MACROD2: variants seen among roughly 807,000 people sequenced by gnomAD.
MACROD2 encodes the protein mono-ADP ribosylhydrolase 2.
MACROD2 carries 36 observed loss-of-function variants against 70.4 expected under a neutral mutation model. That is an observed-to-expected ratio of 0.51 (90% CI 0.39 to 0.68). The LOEUF (loss-of-function observed/expected upper bound fraction) is 0.68, where lower values mean the gene tolerates loss of function less well. Ranked by LOEUF, MACROD2 falls within the 30% of genes least tolerant of loss-of-function variation. MACROD2 has a pLI of 0.00. For synonymous variants in MACROD2, 172 were observed against 178.8 expected, an observed-to-expected ratio of 0.96 and a Z score of 0.30; for missense variants, 496 against 538.4, an observed-to-expected ratio of 0.92 and a Z score of 0.78.
intron 5 of MACROD2, among the ~76,000 whole-genome samples, chr20:15,119,111 A>G (rs1166099526): frequency 6.6e-6 from 1 of 152,194 alleles, no homozygotes; most frequent in Non-Finnish European, 1.5e-5. Flanking sequence ...GCCTATAACA[A>G]TCGGAAGACC....
intron 9 of MACROD2, among the ~76,000 whole-genome samples, chr20:15,883,799 C>T (rs2064787985): frequency 6.6e-6 from 1 of 152,052 alleles, no homozygotes; most frequent in Non-Finnish European, 1.5e-5. Flanking sequence ...TTTATTGATT[C>T]TAGTATATAA....
At chr20:14,782,268 A>G (rs1415476199) in intron 5 of MACROD2, among the ~76,000 whole-genome samples, 2 of 152,064 alleles carry the variant, frequency 1.3e-5, no homozygotes, top group African/African-American at 4.8e-5. Flanking sequence ...AATAATCATT[A>G]GCAGTAATAA....
intron 3 of MACROD2, among the ~76,000 whole-genome samples, chr20:14,343,816 G>A (rs765778201): frequency 6.6e-6 from 1 of 152,134 alleles, no homozygotes; most frequent in Non-Finnish European, 1.5e-5. Flanking sequence ...ATTGACATGT[G>A]GATCAACAAG....
chr20:14,589,283 C>A (rs1981599766), intron 4 of MACROD2, among the ~76,000 whole-genome samples: 1 of 152,054 alleles, frequency 6.6e-6, no homozygotes, highest in Non-Finnish European at 1.5e-5. Context: ...AATCGCTATT[C>A]TTTTAAAATG....
intron 5 of MACROD2, among the ~76,000 whole-genome samples, chr20:14,873,084 T>A (rs988813142): frequency 6.6e-6 from 1 of 152,138 alleles, no homozygotes; most frequent in Admixed American, 6.5e-5. Context: ...AAGATGAGAT[T>A]TAGGTGGGAA....
chr20:14,420,432 T>A (rs960939498), intron 3 of MACROD2, among the ~76,000 whole-genome samples: 1 of 152,160 alleles, frequency 6.6e-6, no homozygotes, highest in African/African-American at 2.4e-5. Flanking sequence ...TAAAGTGATA[T>A]CTAATTGAAA....
rs140228262 is a variant in MACROD2, at chr20:16,043,677, C to T, written c.1232-894C>T. On this transcript the variant is annotated intron_variant, in intron 16 of 17. Coordinates refer to ENST00000684519, the MANE Select transcript of MACROD2 (RefSeq NM_001351661.2). ...CAACTACGGGATCTGGTTAGATGGT[C>T]GGCTTTTTAATTTCATGGCCGCTCA... is the stretch of plus-strand genomic sequence containing the variant. Among the ~76,000 whole-genome samples the T allele has an allele frequency of 1.3e-3, 196 of 152,064 alleles. 2 individuals carry two copies. The highest frequency in any genetic ancestry group is 4.4e-3 in the African/African-American group (184 of 41,492).
chr20:14,938,940 A>ATTTTTTTTTTTTTT (rs1230863391), intron 5 of MACROD2, among the ~76,000 whole-genome samples: 16 of 86,458 alleles, frequency 1.9e-4, no homozygotes, highest in South Asian at 3.7e-4. Context: ...GTTAAATCAG[A>ATTTTTTTTTTTTTT]TTTTTTTTTT....
At position 14,142,176 on chromosome 20, in the gene MACROD2, T is replaced by C. The variant is rs370030020; in HGVS notation, c.271+56448T>C. 3.3e-5 allele frequency among the ~76,000 whole-genome samples: 5 copies of C among 152,200 alleles called. No individual in the cohort carries two copies. The East Asian group carries it at 7.7e-4, about 23-fold the overall frequency. On this transcript the variant is annotated intron_variant, in intron 3 of 17. Transcript: ENST00000684519. ...CCTTTTTTTCCTAATAGTGCAAGTT[T>C]ATTCACCATGTTTTTAGTTTTTCTC... is the stretch of plus-strand genomic sequence containing the variant.
chr20:15,243,698 G>A (rs533152219), intron 6 of MACROD2, among the ~76,000 whole-genome samples: 5 of 152,128 alleles, frequency 3.3e-5, no homozygotes, highest in Admixed American at 2.6e-4. Context: ...GGCAAATCAC[G>A]AGGTCAGGAG....
chr20:15,137,402 T>C (rs374705595), intron 5 of MACROD2, among the ~76,000 whole-genome samples: 15 of 151,844 alleles, frequency 9.9e-5, no homozygotes, highest in South Asian at 2.1e-4. Context: ...AGTTCATGTC[T>C]TTTGTAGGGA....
chr20:16,006,896 T>C (rs1244941241), intron 15 of MACROD2, among the ~76,000 whole-genome samples: 9 of 152,212 alleles, frequency 5.9e-5, no homozygotes, highest in Non-Finnish European at 5.9e-5. Flanking sequence ...TCTTTTTGTC[T>C]CAAGTACACT....
intron 8 of MACROD2, among the ~76,000 whole-genome samples, chr20:15,652,789 A>G (rs1233213041): frequency 6.6e-6 from 1 of 151,236 alleles, no homozygotes; most frequent in Non-Finnish European, 1.5e-5. Flanking sequence ...TAGTTTTCTC[A>G]TTCATAAAAT....
At chr20:15,283,702 CA>C (rs1412811041) in intron 6 of MACROD2, among the ~76,000 whole-genome samples, 1 of 151,580 alleles carries the variant, frequency 6.6e-6, no homozygotes, top group African/African-American at 2.4e-5. Flanking sequence ...CAAACAAAAA[CA>C]AAAAAGAAAA....
intron 3 of MACROD2, among the ~76,000 whole-genome samples, chr20:14,356,506 T>C (rs1282639788): frequency 5.2e-5 from 7 of 134,486 alleles, no homozygotes; most frequent in East Asian, 4.0e-4. Flanking sequence ...TTCTTTTTTT[T>C]TTTTTTTTTT....
At chr20:15,016,588 C>G (rs1280596305) in intron 5 of MACROD2, among the ~76,000 whole-genome samples, 1 of 152,096 alleles carries the variant, frequency 6.6e-6, no homozygotes, top group African/African-American at 2.4e-5. Context: ...TTAAAAGAGC[C>G]TGGCACGTCC....
At chr20:15,471,045 T>C (rs78172673) in intron 7 of MACROD2, among the ~76,000 whole-genome samples, 5,327 of 152,316 alleles carry the variant, frequency 0.035, 304 homozygotes, top group African/African-American at 0.12. Context: ...ATATCAACAA[T>C]GGTCTTGTAT....
chr20:15,380,698 G>A (rs2052863955), intron 6 of MACROD2, among the ~76,000 whole-genome samples: 2 of 152,006 alleles, frequency 1.3e-5, no homozygotes, highest in South Asian at 4.2e-4. Flanking sequence ...AGCCATGATG[G>A]AACTGTTTAC....
intron 2 of MACROD2, among the ~76,000 whole-genome samples, chr20:14,049,239 A>G (rs146055156): frequency 1.1e-4 from 16 of 150,772 alleles, no homozygotes; most frequent in African/African-American, 3.9e-4. Context: ...GAAGGGTGAC[A>G]TTGGTGCAGC....
Sources: gnomAD v4.1 joint callset for allele counts (sites outside exome capture counted in the v4.1 genomes callset) on GRCh38, gnomAD v4.1.1 for gene constraint, MANE v1.5 for transcripts, NCBI Gene and HGNC (gene_info 2026-07-23, HGNC 2026-07-21) for gene names.